UPP2: variants seen among roughly 807,000 people sequenced by gnomAD.
UPP2 encodes UPase 2.
Under a neutral mutation model 26.7 loss-of-function variants are expected in UPP2, and 23 were observed. That is an observed-to-expected ratio of 0.86 (90% CI 0.62 to 1.22). The LOEUF (loss-of-function observed/expected upper bound fraction) is 1.22, where lower values mean the gene tolerates loss of function less well. Among genes scored for constraint, UPP2 ranks in the 50% most tolerant of loss-of-function variants. The pLI is 0.00. For synonymous variants in UPP2, 127 were observed against 141.3 expected, an observed-to-expected ratio of 0.90 and a Z score of 0.72; for missense variants, 387 against 396.7, an observed-to-expected ratio of 0.98 and a Z score of 0.21.
At chr2:158,111,864 T>C (rs140184663) in intron 2 of UPP2, among the ~76,000 whole-genome samples, 4 of 152,284 alleles carry the variant, frequency 2.6e-5, no homozygotes, top group Non-Finnish European at 2.9e-5. Flanking sequence ...GTGGGACATA[T>C]AGACCTTACA....
chr2:158,054,316 A>G (rs757136205), intron 3 of UPP2, among the ~76,000 whole-genome samples: 13 of 152,022 alleles, frequency 8.6e-5, no homozygotes, highest in Non-Finnish European at 1.0e-4. Context: ...AGGGAAAAAT[A>G]TAGCTTATAA....
intron 3 of UPP2, among the ~76,000 whole-genome samples, chr2:158,073,400 A>G (rs1682575621): frequency 6.6e-6 from 1 of 152,188 alleles, no homozygotes; most frequent in African/African-American, 2.4e-5. Context: ...AGGCAGAGAA[A>G]AAGATAGGAG....
In UPP2 at chr2:158,135,199, C is replaced by A; in HGVS notation, c.*309C>A. The A allele has an allele frequency of 5.2e-6, 1 of 193,354 alleles. No homozygotes were observed. The allele number at this position is 193,354 out of a possible 1,614,324, so 12.0% of individuals were successfully genotyped here. On this transcript the variant is annotated 3_prime_UTR_variant, in exon 7 of 7. Transcript: ENST00000005756. ...TTAAGCTCACATCAAAATAGACCAG[C>A]CATTTGCACATAGTTACCAGTCACT...
chr2:158,115,571 C>T (rs1683412437), intron 3 of UPP2, among the ~76,000 whole-genome samples: 1 of 152,160 alleles, frequency 6.6e-6, no homozygotes, highest in African/African-American at 2.4e-5. Context: ...TCTTCTATCC[C>T]TTACCCAGCT....
intron 6 of UPP2, chr2:158,134,095 T>A (rs540983367): frequency 6.6e-6 from 1 of 152,262 alleles, no homozygotes; most frequent in Admixed American, 6.5e-5. Context: ...CAGTTTCCTA[T>A]AAGATTTCAT....
intron 2 of UPP2, chr2:157,995,309 G>C (rs1191780243): frequency 1.9e-6 from 3 of 1,584,734 alleles, no homozygotes; most frequent in Non-Finnish European, 2.6e-6. Flanking sequence ...ACATGTGTCT[G>C]GTCATATTCC....
intron 3 of UPP2, among the ~76,000 whole-genome samples, chr2:158,038,808 A>T (rs1017275997): frequency 1.3e-5 from 2 of 152,182 alleles, no homozygotes; most frequent in African/African-American, 4.8e-5. Flanking sequence ...GGGAAGAAGA[A>T]AGGGTTGTAT....
chr2:158,006,513 A>G (rs1361583771), intron 2 of UPP2, among the ~76,000 whole-genome samples: 1 of 150,922 alleles, frequency 6.6e-6, no homozygotes, highest in African/African-American at 2.4e-5. Context: ...CATAATTCCC[A>G]ATATGAAGCA....
intron 3 of UPP2, among the ~76,000 whole-genome samples, chr2:158,035,377 G>A (rs932270794): frequency 3.9e-5 from 6 of 152,102 alleles, no homozygotes; most frequent in Admixed American, 6.5e-5. Context: ...GGCTGGTCTC[G>A]AACTCCTGAC....
upstream of UPP2, among the ~76,000 whole-genome samples, chr2:158,097,968 G>A (rs1683013565): frequency 6.6e-6 from 1 of 151,962 alleles, no homozygotes. Context: ...AGTTAGAGTA[G>A]GAAATTAGAA....
intron 3 of UPP2, among the ~76,000 whole-genome samples, chr2:158,048,303 C>T (rs1028606623): frequency 6.6e-6 from 1 of 152,070 alleles, no homozygotes; most frequent in African/African-American, 2.4e-5. Flanking sequence ...CTGAGTTGCT[C>T]AGGAAAACAA....
chr2:158,082,879 T>C (rs1682750048), intron 3 of UPP2, among the ~76,000 whole-genome samples: 1 of 151,952 alleles, frequency 6.6e-6, no homozygotes, highest in South Asian at 2.1e-4. Flanking sequence ...AACAACCCCA[T>C]CAAAAAGTGG....
chr2:158,097,598 G>A (rs1051776098), upstream of UPP2, among the ~76,000 whole-genome samples: 4 of 152,154 alleles, frequency 2.6e-5, no homozygotes, highest in African/African-American at 9.7e-5. Flanking sequence ...ACTGGAAACA[G>A]GAGCTTGCAG....
intron 3 of UPP2, among the ~76,000 whole-genome samples, chr2:158,084,433 T>C (rs889616085): frequency 6.6e-6 from 1 of 152,188 alleles, no homozygotes; most frequent in Admixed American, 6.5e-5. Context: ...AAAGATTTTC[T>C]CCCATTCTGT....
chr2:158,053,367 C>A (rs898489213), intron 3 of UPP2, among the ~76,000 whole-genome samples: 1 of 152,120 alleles, frequency 6.6e-6, no homozygotes, highest in South Asian at 2.1e-4. Flanking sequence ...TAGTACACCC[C>A]AAATTCTCAA....
At chr2:158,128,626 A>G (rs1683741778) in intron 6 of UPP2, among the ~76,000 whole-genome samples, 1 of 152,172 alleles carries the variant, frequency 6.6e-6, no homozygotes, top group Admixed American at 6.6e-5. Flanking sequence ...GAAACAGGTG[A>G]GCTGGACTTT....
chr2:158,118,851 T>C (rs1405432975), intron 4 of UPP2, among the ~76,000 whole-genome samples: 5 of 152,072 alleles, frequency 3.3e-5, no homozygotes. Flanking sequence ...AAAGCCACCA[T>C]GGCTGAGCCA....
In UPP2 at chr2:158,043,633, G is replaced by T. The variant is rs556336449; in HGVS notation, c.147+27747G>T. The stretch of plus-strand genomic sequence containing the variant: ...AATGGTGATTCAATGGGAGAGGCCA[G>T]TCAGGGGAGATAATCATTCAAGGGT... On this transcript the variant is annotated intron_variant, in intron 3 of 9. Transcript: ENST00000605860. Among the ~76,000 whole-genome samples the T allele has an allele frequency of 7.6e-4, 116 of 152,334 alleles. 1 individual carries two copies. Among genetic ancestry groups the T allele is most frequent in the Middle Eastern group, 3.4e-3 (1 of 294 alleles).
At chr2:158,006,809 A>G (rs1378522014) in intron 2 of UPP2, among the ~76,000 whole-genome samples, 1 of 152,190 alleles carries the variant, frequency 6.6e-6, no homozygotes, top group Non-Finnish European at 1.5e-5. Context: ...CAGATCTGAA[A>G]TGACACCAGA....
Sources: gnomAD v4.1 joint callset for allele counts (sites outside exome capture counted in the v4.1 genomes callset) on GRCh38, gnomAD v4.1.1 for gene constraint, MANE v1.5 for transcripts, NCBI Gene and HGNC (gene_info 2026-07-23, HGNC 2026-07-21) for gene names.